DIP2B: variants seen among roughly 807,000 people sequenced by gnomAD.
DIP2B encodes DIP2 acetate--CoA ligase B (putative).
DIP2B carries 76 observed loss-of-function variants against 198.0 expected under a neutral mutation model. The ratio of observed to expected loss-of-function variants is 0.38; its 90% CI spans 0.32 to 0.46. The LOEUF is 0.46. DIP2B is among the 20% of genes least tolerant of loss of function. The probability of loss-of-function intolerance (pLI) is 0.99; values close to 1 mark genes in which losing one functional copy is unlikely to be tolerated. For synonymous variants in DIP2B, 701 were observed against 739.1 expected, an observed-to-expected ratio of 0.95 and a Z score of 0.84; for missense variants, 1,559 against 1,978.4, an observed-to-expected ratio of 0.79 and a Z score of 4.02.
intron 13 of DIP2B, 92 bp from the exon 14 acceptor site, chr12:50,692,857 A>T: frequency 9.0e-7 from 1 of 1,113,834 alleles, no homozygotes; most frequent in Non-Finnish European, 1.3e-6. Flanking sequence ...GCAAACAAAC[A>T]TCAAATCAGT....
chr12:50,676,227 A>G (rs1162728708), intron 7 of DIP2B, among the ~76,000 whole-genome samples: 1 of 152,198 alleles, frequency 6.6e-6, no homozygotes, highest in Non-Finnish European at 1.5e-5. Flanking sequence ...GATCTAGACA[A>G]ATAGATCTAC....
chr12:50,629,819 C>G (rs1938008348), intron 2 of DIP2B, among the ~76,000 whole-genome samples: 1 of 152,136 alleles, frequency 6.6e-6, no homozygotes, highest in African/African-American at 2.4e-5. Context: ...TGAATACAAC[C>G]CACATTCATA....
chr12:50,724,761 C>A lies in DIP2B; in HGVS notation c.3289-14C>A. The A allele has an allele frequency of 6.2e-7, 1 of 1,612,866 alleles. No individual in the cohort carries two copies. Among genetic ancestry groups the A allele is most frequent in the Non-Finnish European group, 8.5e-7 (1 of 1,179,008 alleles). On this transcript the variant is annotated splice_polypyrimidine_tract_variant and intron_variant, in intron 27 of 37. Coordinates refer to ENST00000301180, the MANE Select transcript of DIP2B (RefSeq NM_173602.3). ...GAGCCTCCTGATGCTTATTGCTGTC[C>A]ATTTGTTTTCTAGGTCAGCAAAGCA...
intron 27 of DIP2B, 98 bp from the exon 28 acceptor site, chr12:50,724,677 A>C: frequency 1.1e-6 from 1 of 921,208 alleles, no homozygotes. Flanking sequence ...TGTCCTGTCC[A>C]GTGTGGTACA....
At chr12:50,653,812 TTTCTCTG>T (rs1406632541) in intron 3 of DIP2B, among the ~76,000 whole-genome samples, 1 of 152,142 alleles carries the variant, frequency 6.6e-6, no homozygotes, top group African/African-American at 2.4e-5. Context: ...TTTGCACCCA[TTTCTCTG>T]TTCTCTGTTT....
intron 3 of DIP2B, among the ~76,000 whole-genome samples, chr12:50,659,862 T>G (rs1259488987): frequency 1.3e-5 from 2 of 152,126 alleles, no homozygotes; most frequent in African/African-American, 4.8e-5. Flanking sequence ...GAGGCAGAAT[T>G]TCCTGCTTGG....
intron 17 of DIP2B, among the ~76,000 whole-genome samples, chr12:50,697,693 C>T (rs988724293): frequency 4.0e-5 from 6 of 151,464 alleles, no homozygotes; most frequent in Non-Finnish European, 8.8e-5. Context: ...CCACGCCTGG[C>T]TAATTTTTAA....
At chr12:50,744,142 C>G (rs1056974832) in intron 37 of DIP2B, among the ~76,000 whole-genome samples, 1 of 152,172 alleles carries the variant, frequency 6.6e-6, no homozygotes, top group East Asian at 1.9e-4. Context: ...GCTGGGACTA[C>G]GGGTGCTCAC....
At chr12:50,683,071 C>T in intron 9 of DIP2B, 67 bp from the exon 10 acceptor site, 1 of 1,233,184 alleles carries the variant, frequency 8.1e-7, no homozygotes, top group Non-Finnish European at 1.2e-6. Context: ...CATACTTAGA[C>T]AGTGACATTG....
intron 1 of DIP2B, among the ~76,000 whole-genome samples, chr12:50,578,504 C>CTTTTTTTTTTTTTT: frequency 9.0e-6 from 1 of 111,604 alleles, no homozygotes; most frequent in Non-Finnish European, 1.8e-5. Context: ...GTTATTTGCT[C>CTTTTTTTTTTTTTT]TTTTTTTTTT....
At position 50,514,065 on chromosome 12, in the gene DIP2B, CTT is replaced by C. The variant is rs71083583; in HGVS notation, c.100+8841_100+8842del. The stretch of plus-strand genomic sequence containing the variant: ...ATCTAAAGCTCTGTCACTCAGTTGT[CTT>C]TTTTTTTTTTTTTTTGAGACGGAGT... On this transcript the variant is annotated intron_variant, in intron 1 of 37. Coordinates refer to ENST00000301180, the MANE Select transcript of DIP2B (RefSeq NM_173602.3). 4.0e-3 allele frequency among the ~76,000 whole-genome samples: 478 copies of C among 118,792 alleles called. 3 individuals carry two copies. The highest frequency in any genetic ancestry group is 0.013 in the African/African-American group (409 of 32,596). 77.9% of individuals were successfully genotyped at this position (118,792 alleles called of 152,430 possible).
chr12:50,531,050 A>G (rs1280706415), intron 1 of DIP2B, among the ~76,000 whole-genome samples: 2 of 152,116 alleles, frequency 1.3e-5, no homozygotes, highest in Non-Finnish European at 1.5e-5. Flanking sequence ...CAAGGAGAGC[A>G]TATTATATAT....
intron 1 of DIP2B, among the ~76,000 whole-genome samples, chr12:50,624,678 A>C (rs1047018546): frequency 3.0e-4 from 45 of 152,166 alleles, no homozygotes; most frequent in African/African-American, 1.0e-3. Context: ...CTCTTAATTC[A>C]TTCACTTCAT....
At chr12:50,559,932 A>T (rs1376623974) in intron 1 of DIP2B, among the ~76,000 whole-genome samples, 2 of 152,088 alleles carry the variant, frequency 1.3e-5, no homozygotes, top group Admixed American at 1.3e-4. Flanking sequence ...CCGTGTAAAG[A>T]TTTTTAAAAA....
intron 21 of DIP2B, among the ~76,000 whole-genome samples, chr12:50,707,839 A>G (rs1939541862): frequency 6.6e-6 from 1 of 152,032 alleles, no homozygotes; most frequent in Non-Finnish European, 1.5e-5. Flanking sequence ...ATGGCCTCTC[A>G]GGTCCACTGG....
chr12:50,608,879 C>T (rs1227375260), intron 1 of DIP2B, among the ~76,000 whole-genome samples: 2 of 152,102 alleles, frequency 1.3e-5, no homozygotes, highest in Non-Finnish European at 2.9e-5. Flanking sequence ...TGGTGGCTCA[C>T]GCCTGTAATC....
chr12:50,728,518 C>A (rs778136660), intron 29 of DIP2B, 30 bp from the exon 30 acceptor site: 2 of 1,609,320 alleles, frequency 1.2e-6, no homozygotes, highest in Non-Finnish European at 1.7e-6. Context: ...GATAACAGTC[C>A]CAGCCTGTTC....
At chr12:50,606,161 CT>C (rs1291607042) in intron 1 of DIP2B, among the ~76,000 whole-genome samples, 6 of 151,920 alleles carry the variant, frequency 3.9e-5, no homozygotes, top group African/African-American at 1.5e-4. Context: ...TGCTCTGTCA[CT>C]TAGGCTGAAG....
rs895830929 is a variant in DIP2B, at chr12:50,686,647, A to G, written c.1516A>G (p.Ile506Val). Residue 506 changes from isoleucine (I) to valine (V), a missense_variant, in exon 12 of 38, where the codon ATC (isoleucine) becomes GTC (valine). Physicochemically the swap from Ile to Val is conservative, Grantham distance 29 (BLOSUM62 3). Coordinates refer to ENST00000301180, the MANE Select transcript of DIP2B (RefSeq NM_173602.3). ...SKPPKDWQPH[I>V]SPAGTEPAYI... ...GCCACCGAAAGACTGGCAGCCACAC[A>G]TCTCACCTGCTGGGACAGAACCGGC... 1.2e-6 allele frequency: 2 copies of G among 1,614,120 alleles called. No individual in the cohort carries two copies. The highest frequency in any genetic ancestry group is 1.7e-6 in the Non-Finnish European group (2 of 1,180,014).
Sources: gnomAD v4.1 joint callset for allele counts (sites outside exome capture counted in the v4.1 genomes callset) on GRCh38, gnomAD v4.1.1 for gene constraint, MANE v1.5 for transcripts, NCBI Gene and HGNC (gene_info 2026-07-23, HGNC 2026-07-21) for gene names.